Variants in DNAJC13 observed in about 807,000 individuals in gnomAD.
DNAJC13 encodes dnaJ homolog subfamily C member 13.
DNAJC13 carries 75 observed loss-of-function variants against 290.5 expected under a neutral mutation model. That is an observed-to-expected ratio of 0.26 (90% CI 0.21 to 0.31). DNAJC13 has a LOEUF of 0.31. Ranked by LOEUF, DNAJC13 falls within the 10% of genes least tolerant of loss-of-function variation. The pLI, the probability that DNAJC13 is intolerant of heterozygous loss-of-function variation, is 1.00. For synonymous variants in DNAJC13, 862 were observed against 892.0 expected (o/e 0.97, Z 0.60); for missense variants, 2,260 against 2,674.5 (o/e 0.85, Z 3.42).
At chr3:132,521,900 T>C (rs1001578520) in intron 48 of DNAJC13, among the ~76,000 whole-genome samples, 3 of 152,284 alleles carry the variant, frequency 2.0e-5, no homozygotes, top group Admixed American at 6.5e-5. Context: ...CCAGAAACAG[T>C]TGGGTGTCTC....
At chr3:132,518,125 T>C (rs1207424502) in intron 48 of DNAJC13, among the ~76,000 whole-genome samples, 3 of 152,258 alleles carry the variant, frequency 2.0e-5, no homozygotes, top group Admixed American at 2.0e-4. Context: ...TTGTTACATA[T>C]GTATACATGT....
chr3:132,504,422 A>G (rs1302243644), intron 41 of DNAJC13, among the ~76,000 whole-genome samples: 1 of 151,938 alleles, frequency 6.6e-6, no homozygotes, highest in Admixed American at 6.6e-5. Context: ...TTGCTCACCA[A>G]TGTGATACAT....
At chr3:132,460,798 T>A (rs1248153140) in intron 14 of DNAJC13, among the ~76,000 whole-genome samples, 1 of 152,160 alleles carries the variant, frequency 6.6e-6, no homozygotes, top group Non-Finnish European at 1.5e-5. Context: ...TTATACACAT[T>A]TGAGAAGTCT....
chr3:132,444,949 T>C (rs574749442), intron 2 of DNAJC13, among the ~76,000 whole-genome samples: 3 of 152,212 alleles, frequency 2.0e-5, no homozygotes, highest in Admixed American at 6.5e-5. Context: ...AGCAATACTT[T>C]TGTATATGGA....
intron 20 of DNAJC13, chr3:132,472,412 C>T (rs1200561843): frequency 6.7e-6 from 2 of 297,764 alleles, no homozygotes; most frequent in Non-Finnish European, 9.9e-6. Context: ...ATTTGAGTCA[C>T]AGGCTTAGAG....
chr3:132,465,051 T>C (rs569710607), intron 17 of DNAJC13, among the ~76,000 whole-genome samples: 7 of 152,194 alleles, frequency 4.6e-5, no homozygotes, highest in East Asian at 3.8e-4. Flanking sequence ...GTCACTGATA[T>C]GATAACCTAC....
intron 28 of DNAJC13, 157 bp from the exon 29 acceptor site, chr3:132,484,431 C>A: frequency 1.5e-6 from 1 of 659,212 alleles, no homozygotes; most frequent in South Asian, 1.7e-5. Flanking sequence ...TAGATTTAAA[C>A]CAAAATACCT....
In DNAJC13 at chr3:132,455,089, T is replaced by C. The variant is rs552649909; in HGVS notation, c.932+932T>C. ...ACCATTTAGAAAAAGAAAAGACAGA[T>C]CGCAGGGAGAAAATCTTTGCAAAGC... On this transcript the variant is annotated intron_variant, in intron 9 of 55. Transcript: ENST00000260818. Among the ~76,000 whole-genome samples the C allele has an allele frequency of 5.9e-4, 90 of 152,170 alleles. 3 individuals carry two copies. In the South Asian group the frequency reaches 0.018, roughly 31 times the overall value.
intron 55 of DNAJC13, among the ~76,000 whole-genome samples, chr3:132,536,401 A>C (rs937378086): frequency 6.6e-6 from 1 of 152,136 alleles, no homozygotes; most frequent in African/African-American, 2.4e-5. Context: ...AAATACACAC[A>C]CACACAGAGG....
rs1339776214 is a variant in DNAJC13, at chr3:132,507,361, C to G, written c.5115+8C>G. The G allele has an allele frequency of 4.0e-6, 6 of 1,483,070 alleles. No homozygotes were observed. Among genetic ancestry groups the G allele is most frequent in the Non-Finnish European group, 5.6e-6 (6 of 1,063,328 alleles). 91.9% of individuals were successfully genotyped at this position (1,483,070 alleles called of 1,614,324 possible). On this transcript the variant is annotated splice_region_variant and intron_variant, in intron 43 of 55. Transcript: ENST00000260818. ...CCTACTTTCCAACTGGAGGTAAGCT[C>G]TCTGCTTTTAATTTTACCTGATACC...
In DNAJC13 at chr3:132,447,616, G is replaced by A. The variant is rs1576465107; in HGVS notation, c.294+146G>A. Reference sequence around the variant, plus strand: ...TTACTGACCTTTAACTTGACCCTGTGAAACGTTCACTTTTCTCTAACAGGC... The same window carrying A: ...TTACTGACCTTTAACTTGACCCTGTAAAACGTTCACTTTTCTCTAACAGGC... On this transcript the variant is annotated intron_variant, in intron 4 of 55. Coordinates refer to ENST00000260818, the MANE Select transcript of DNAJC13 (RefSeq NM_015268.4). The A allele has an allele frequency of 1.7e-5, 15 of 898,948 alleles. No homozygotes were observed. The East Asian group carries it at 4.6e-4, about 27-fold the overall frequency. 55.7% of individuals were successfully genotyped at this position (898,948 alleles called of 1,614,324 possible).
At chr3:132,493,182 T>A (rs1935118917) in intron 33 of DNAJC13, among the ~76,000 whole-genome samples, 1 of 151,996 alleles carries the variant, frequency 6.6e-6, no homozygotes, top group African/African-American at 2.4e-5. Flanking sequence ...CTGCTCATTG[T>A]AAAACAGTAT....
chr3:132,418,299 C>T (rs1200585288), intron 1 of DNAJC13, among the ~76,000 whole-genome samples: 1 of 152,222 alleles, frequency 6.6e-6, no homozygotes, highest in East Asian at 1.9e-4. Flanking sequence ...GCTTTTCCTT[C>T]CTGCAAGGCA....
At chr3:132,422,056 G>C (rs1029554137) in intron 1 of DNAJC13, among the ~76,000 whole-genome samples, 1 of 144,588 alleles carries the variant, frequency 6.9e-6, no homozygotes, top group African/African-American at 2.6e-5. Flanking sequence ...TCTTTTTTCA[G>C]ACCTCACTCT....
rs573106179 is a variant in DNAJC13 at position 132,536,394 on chromosome 3, T to TAC, written c.6626-1770_6626-1769dup. Among the ~76,000 whole-genome samples the TAC allele has an allele frequency of 1.9e-3, 286 of 151,780 alleles. 3 individuals are homozygous for TAC. Among genetic ancestry groups the TAC allele is most frequent in the African/African-American group, 6.4e-3 (265 of 41,406 alleles). On this transcript the variant is annotated intron_variant, in intron 55 of 55. Transcript: ENST00000260818. ...CATAGTGAGACCCCCATCTGTTAAA[T>TAC]ACACACACACACAGAGGGGCAAAGG...
chr3:132,463,637 A>G, intron 16 of DNAJC13, 59 bp from the exon 17 acceptor site: 1 of 1,526,624 alleles, frequency 6.6e-7, no homozygotes, highest in Non-Finnish European at 8.8e-7. Context: ...AGTTTTTTAA[A>G]GTTTGGATAG....
chr3:132,490,781 A>G (rs1383244493), intron 31 of DNAJC13, 116 bp from the exon 32 acceptor site: 4 of 1,087,480 alleles, frequency 3.7e-6, no homozygotes, highest in South Asian at 1.9e-5. Context: ...CATAAAAGCA[A>G]TTTGTTCCAA....
intron 43 of DNAJC13, among the ~76,000 whole-genome samples, chr3:132,509,375 C>G (rs902842963): frequency 6.6e-6 from 1 of 152,172 alleles, no homozygotes; most frequent in African/African-American, 2.4e-5. Flanking sequence ...TTGCTGCAAT[C>G]TCATTATAAA....
At chr3:132,479,159 C>A in intron 24 of DNAJC13, 68 bp from the exon 25 acceptor site, 1 of 960,032 alleles carries the variant, frequency 1.0e-6, no homozygotes, top group Non-Finnish European at 1.6e-6. Context: ...TTTATTTTGT[C>A]TAGTAATAGT....
Sources: gnomAD v4.1 joint callset for allele counts (sites outside exome capture counted in the v4.1 genomes callset) on GRCh38, gnomAD v4.1.1 for gene constraint, MANE v1.5 for transcripts, NCBI Gene and HGNC (gene_info 2026-07-23, HGNC 2026-07-21) for gene names.